The following ACKR2 variants were observed in gnomAD, a reference collection of about 807,000 sequenced individuals.
ACKR2 encodes C-C chemokine receptor D6.
For missense variants in ACKR2, 457 were observed against 477.3 expected, an observed-to-expected ratio of 0.96 and a Z score of 0.40; for synonymous variants, 207 against 192.2, an observed-to-expected ratio of 1.08 and a Z score of -0.64.
At chr3:42,855,147 A>G (rs9815043) in intron 2 of ACKR2, among the ~76,000 whole-genome samples, 56,595 of 151,992 alleles carry the variant, frequency 0.37, 11,349 homozygotes, top group East Asian at 0.67. Context: ...ATGAGCCACC[A>G]CACCCAGCCT....
chr3:42,830,417 T>A (rs553023826), intron 2 of ACKR2, among the ~76,000 whole-genome samples: 50 of 152,282 alleles, frequency 3.3e-4, no homozygotes, highest in African/African-American at 1.2e-3. Flanking sequence ...CGCCCAGCCT[T>A]TGATTGATAA....
chr3:42,843,321 C>G (rs115075609), intron 2 of ACKR2, among the ~76,000 whole-genome samples: 1 of 152,066 alleles, frequency 6.6e-6, no homozygotes, highest in Non-Finnish European at 1.5e-5. Flanking sequence ...TCTGCCCCCC[C>G]AGCCTCCCAA....
chr3:42,859,508 G>A (rs2195224), intron 2 of ACKR2, among the ~76,000 whole-genome samples: 59,759 of 151,470 alleles, frequency 0.39, 12,437 homozygotes, highest in East Asian at 0.69. Flanking sequence ...CCTCCTGAGT[G>A]GCTGGGACTA....
chr3:42,855,062 G>A (rs2088298225), intron 2 of ACKR2, among the ~76,000 whole-genome samples: 1 of 152,014 alleles, frequency 6.6e-6, no homozygotes, highest in Non-Finnish European at 1.5e-5. Context: ...TCGCCACGTT[G>A]ACCAGGCTGG....
intron 2 of ACKR2, among the ~76,000 whole-genome samples, chr3:42,855,369 C>T (rs2088303676): frequency 1.3e-5 from 2 of 152,166 alleles, no homozygotes; most frequent in African/African-American, 4.8e-5. Context: ...CCTTATAAGG[C>T]TGCTGCAGTG....
chr3:42,865,474 G>T lies in ACKR2; in HGVS notation c.972G>T (p.Lys324Asn), dbSNP rs2088427568. The T allele has an allele frequency of 1.9e-6, 3 of 1,614,194 alleles. No homozygotes were observed. Among genetic ancestry groups the T allele is most frequent in the Non-Finnish European group, 2.5e-6 (3 of 1,180,040 alleles). The change falls in exon 3 of 3, where the codon AAG becomes AAT. Residue 324 changes from lysine (K) to asparagine (N), a missense_variant. Lys to Asn is a moderately conservative substitution (Grantham distance 94, BLOSUM62 0). Coordinates refer to ENST00000422265, the MANE Select transcript of ACKR2 (RefSeq NM_001296.5). ...GTCACCGCTTCCGCCAGTACCTGAAGGCTTTCCTGGCTGCCGTGCTTGGAT... is the reference window on the plus strand; with the variant it reads ...GTCACCGCTTCCGCCAGTACCTGAATGCTTTCCTGGCTGCCGTGCTTGGAT... ...FSSHRFRQYL[K>N]AFLAAVLGWH...
chr3:42,815,832 C>G (rs62246639), intron 1 of ACKR2, among the ~76,000 whole-genome samples: 7,432 of 152,198 alleles, frequency 0.049, 276 homozygotes, highest in South Asian at 0.11. Context: ...ATTCCTCTAC[C>G]CTTTAGGAAG....
At chr3:42,830,665 G>A (rs1700923058) in intron 2 of ACKR2, among the ~76,000 whole-genome samples, 1 of 151,560 alleles carries the variant, frequency 6.6e-6, no homozygotes, top group Admixed American at 6.6e-5. Flanking sequence ...TGGTGATGAG[G>A]TGTAAGTTCT....
At chr3:42,838,331 C>T (rs1204915766) in intron 2 of ACKR2, among the ~76,000 whole-genome samples, 4 of 152,106 alleles carry the variant, frequency 2.6e-5, no homozygotes, top group Admixed American at 2.6e-4. Flanking sequence ...AAATAATCCT[C>T]TGAACTCAAT....
intron 1 of ACKR2, among the ~76,000 whole-genome samples, chr3:42,818,784 A>T (rs1487729871): frequency 6.6e-6 from 1 of 151,742 alleles, no homozygotes; most frequent in Non-Finnish European, 1.5e-5. Context: ...CTGGTCTTGA[A>T]CTCCTGACCT....
At chr3:42,849,587 G>C (rs1237201012) in intron 2 of ACKR2, among the ~76,000 whole-genome samples, 1 of 152,172 alleles carries the variant, frequency 6.6e-6, no homozygotes, top group Non-Finnish European at 1.5e-5. Flanking sequence ...ATTAGGTTCA[G>C]AGAAACTTGG....
chr3:42,865,725 C>T lies in ACKR2; in HGVS notation c.*68C>T. 2 of 1,289,744 alleles carry T rather than the reference C, an allele frequency of 1.6e-6. No individual in the cohort carries two copies. The highest frequency in any genetic ancestry group is 1.4e-5 in the South Asian group (1 of 70,914). 79.9% of individuals were successfully genotyped at this position (1,289,744 alleles called of 1,614,324 possible). On this transcript the variant is annotated 3_prime_UTR_variant, in exon 3 of 3. Coordinates refer to ENST00000422265, the MANE Select transcript of ACKR2 (RefSeq NM_001296.5). ...CAATTGGGTGTCCACTCAAAGTGCT[C>T]TCTCCAGGGGCCTCAGTGACTGTGT...
intron 2 of ACKR2, among the ~76,000 whole-genome samples, chr3:42,829,307 T>C (rs1700905140): frequency 6.6e-6 from 1 of 152,108 alleles, no homozygotes; most frequent in South Asian, 2.1e-4. Flanking sequence ...GCTCACTAGA[T>C]GCAAATGAAT....
At chr3:42,836,763 A>G (rs1362030530) in intron 2 of ACKR2, among the ~76,000 whole-genome samples, 2 of 152,226 alleles carry the variant, frequency 1.3e-5, no homozygotes, top group East Asian at 3.9e-4. Flanking sequence ...CTGAGTGAAG[A>G]CTACAGATAA....
intron 2 of ACKR2, among the ~76,000 whole-genome samples, chr3:42,845,607 A>G (rs1416862320): frequency 6.6e-6 from 1 of 152,120 alleles, no homozygotes; most frequent in Non-Finnish European, 1.5e-5. Context: ...CAGGTGATCC[A>G]CCCACCTCAG....
chr3:42,836,539 A>G (rs1700989229), intron 2 of ACKR2, among the ~76,000 whole-genome samples: 2 of 152,188 alleles, frequency 1.3e-5, no homozygotes, highest in African/African-American at 4.8e-5. Flanking sequence ...CAGAGAAACA[A>G]CTCAGATGGA....
At chr3:42,857,674 GTTTAAAA>G (rs1362801793) in intron 2 of ACKR2, among the ~76,000 whole-genome samples, 2 of 152,114 alleles carry the variant, frequency 1.3e-5, no homozygotes, top group African/African-American at 4.8e-5. Flanking sequence ...TGGATAAAAT[GTTTAAAA>G]TATTAAATAT....
At chr3:42,860,099 C>T (rs1264709975) in intron 2 of ACKR2, among the ~76,000 whole-genome samples, 5 of 129,460 alleles carry the variant, frequency 3.9e-5, no homozygotes, top group Non-Finnish European at 6.3e-5. Context: ...ACTCATCTCA[C>T]GTCCAAAGAC....
At chr3:42,825,423 C>A (rs909513287) in intron 2 of ACKR2, among the ~76,000 whole-genome samples, 1 of 152,064 alleles carries the variant, frequency 6.6e-6, no homozygotes, top group East Asian at 1.9e-4. Flanking sequence ...CCTTGCACTT[C>A]ATTTGTTAAA....
Sources: gnomAD v4.1 joint callset for allele counts (sites outside exome capture counted in the v4.1 genomes callset) on GRCh38, gnomAD v4.1.1 for gene constraint, MANE v1.5 for transcripts, NCBI Gene and HGNC (gene_info 2026-07-23, HGNC 2026-07-21) for gene names.